The following CCDC171 variants were observed in gnomAD, a reference collection of about 807,000 sequenced individuals.
The protein encoded by CCDC171 is coiled-coil domain-containing protein 171.
Under a neutral mutation model 168.2 loss-of-function variants are expected in CCDC171, and 177 were observed. The observed-to-expected ratio is 1.05, with a 90% confidence interval of 0.93 to 1.19. The LOEUF is 1.19. CCDC171 is among the 50% of genes most tolerant of loss of function. The pLI is 0.00. For missense variants in CCDC171, 1,991 were observed against 1,539.0 expected (o/e 1.29, Z -4.91); for synonymous variants, 687 against 540.8 (o/e 1.27, Z -3.75).
intron 21 of CCDC171, among the ~76,000 whole-genome samples, chr9:15,795,773 C>G (rs1471365065): frequency 2.6e-5 from 4 of 152,190 alleles, no homozygotes; most frequent in African/African-American, 9.7e-5. Flanking sequence ...GACATCTACT[C>G]AGGACTGTGG....
the CCDC171 span, among the ~76,000 whole-genome samples, chr9:16,094,759 A>G: frequency 2.6e-5 from 4 of 152,250 alleles, no homozygotes. Flanking sequence ...TGAAATAATC[A>G]GAAAGTGTTA....
chr9:15,802,084 T>G (rs1358583029), intron 21 of CCDC171, among the ~76,000 whole-genome samples: 3 of 151,932 alleles, frequency 2.0e-5, no homozygotes, highest in African/African-American at 7.2e-5. Context: ...GTTTTCTTTT[T>G]TTGATTTGTC....
chr9:15,868,114 G>C (rs1216759186), intron 23 of CCDC171, among the ~76,000 whole-genome samples: 2 of 152,020 alleles, frequency 1.3e-5, no homozygotes, highest in African/African-American at 4.8e-5. Context: ...AATGTGTGGT[G>C]TGGTTGTGGT....
chr9:15,725,284 A>G (rs10756696), intron 14 of CCDC171, among the ~76,000 whole-genome samples: 55,186 of 151,970 alleles, frequency 0.36, 12,503 homozygotes, highest in East Asian at 0.66. Flanking sequence ...CTGTTTGCCA[A>G]TGACAAAATT....
intron 7 of CCDC171, among the ~76,000 whole-genome samples, chr9:15,625,720 C>T (rs1211146839): frequency 1.3e-5 from 2 of 152,120 alleles, no homozygotes; most frequent in African/African-American, 4.8e-5. Flanking sequence ...GTTACTGTAG[C>T]CTTGTATTAT....
intron 7 of CCDC171, among the ~76,000 whole-genome samples, chr9:15,640,431 G>T (rs1383013114): frequency 5.9e-5 from 9 of 151,980 alleles, no homozygotes; most frequent in African/African-American, 1.9e-4. Flanking sequence ...GCCTTATTAA[G>T]ATTTAAAATA....
At chr9:15,592,823 G>C (rs2042090132) in intron 5 of CCDC171, among the ~76,000 whole-genome samples, 1 of 151,564 alleles carries the variant, frequency 6.6e-6, no homozygotes, top group South Asian at 2.1e-4. Flanking sequence ...TAGCTACTTA[G>C]GAGAATTGTG....
chr9:15,640,555 G>C (rs552151908), intron 7 of CCDC171, among the ~76,000 whole-genome samples: 1 of 152,148 alleles, frequency 6.6e-6, no homozygotes, highest in South Asian at 2.1e-4. Flanking sequence ...TTAACTCTAG[G>C]CATAATCTCC....
intron 23 of CCDC171, among the ~76,000 whole-genome samples, chr9:15,863,057 C>A (rs571172529): frequency 6.7e-6 from 1 of 148,334 alleles, no homozygotes; most frequent in East Asian, 1.9e-4. Context: ...TCTCAAACCA[C>A]CACCCTTTTT....
chr9:15,922,532 G>C lies in CCDC171; in HGVS notation c.3753+2110G>C, dbSNP rs181389854. ...TCTGACTAGCACAATTTAAAAAATA[G>C]AGGAGTGCGCATATCTCTTTGACCT... On this transcript the variant is annotated intron_variant, in intron 25 of 25. Coordinates refer to ENST00000380701, the MANE Select transcript of CCDC171 (RefSeq NM_173550.4). 5.3e-5 allele frequency among the ~76,000 whole-genome samples: 8 copies of C among 151,556 alleles called. No homozygotes were observed. In the East Asian group the frequency reaches 9.7e-4, roughly 18 times the overall value.
chr9:16,083,633 G>C, the CCDC171 span, among the ~76,000 whole-genome samples: 1 of 152,110 alleles, frequency 6.6e-6, no homozygotes, highest in Non-Finnish European at 1.5e-5. Context: ...GATGGTTCTA[G>C]AAAGACCTAG....
intron 25 of CCDC171, among the ~76,000 whole-genome samples, chr9:15,966,895 G>GTA (rs34017341): frequency 0.011 from 1,706 of 149,276 alleles, 25 homozygotes; most frequent in African/African-American, 0.035. Flanking sequence ...GTGTGTGTGT[G>GTA]TATATATATA....
At chr9:15,700,967 T>C (rs1180613607) in intron 11 of CCDC171, among the ~76,000 whole-genome samples, 2 of 152,246 alleles carry the variant, frequency 1.3e-5, no homozygotes, top group African/African-American at 4.8e-5. Flanking sequence ...ATTGTGCTTT[T>C]GATTTGCGTT....
intron 10 of CCDC171, among the ~76,000 whole-genome samples, chr9:15,684,832 A>G (rs2133543804): frequency 6.6e-6 from 1 of 152,306 alleles, no homozygotes; most frequent in East Asian, 1.9e-4. Flanking sequence ...AAGATTTGTC[A>G]ATCACAACAT....
At chr9:15,827,168 AT>A (rs1277728671) in intron 21 of CCDC171, among the ~76,000 whole-genome samples, 5 of 152,006 alleles carry the variant, frequency 3.3e-5, no homozygotes, top group South Asian at 2.1e-4. Flanking sequence ...AGATCTTTCA[AT>A]TTTTATTTGT....
chr9:15,627,059 C>T (rs1436834360), intron 7 of CCDC171, among the ~76,000 whole-genome samples: 2 of 152,064 alleles, frequency 1.3e-5, no homozygotes, highest in African/African-American at 2.4e-5. Context: ...GTGTATGTGT[C>T]GAGGAATTTA....
intron 1 of CCDC171, among the ~76,000 whole-genome samples, chr9:15,555,673 GTATC>G: frequency 6.6e-6 from 1 of 152,058 alleles, no homozygotes; most frequent in East Asian, 1.9e-4. Flanking sequence ...AAGTGACTGA[GTATC>G]TATTTTTATT....
At chr9:16,002,366 A>T (rs970257849) in intron 3 of CCDC171, among the ~76,000 whole-genome samples, 1 of 151,872 alleles carries the variant, frequency 6.6e-6, no homozygotes, top group Admixed American at 6.6e-5. Flanking sequence ...GCCTAGACTA[A>T]TGTGTGTGTT....
chr9:16,099,941 C>A, the CCDC171 span, among the ~76,000 whole-genome samples: 2 of 151,688 alleles, frequency 1.3e-5, no homozygotes, highest in Non-Finnish European at 2.9e-5. Flanking sequence ...GGAAAAAGGC[C>A]AGTCTATGAC....
Sources: gnomAD v4.1 joint callset for allele counts (sites outside exome capture counted in the v4.1 genomes callset) on GRCh38, gnomAD v4.1.1 for gene constraint, MANE v1.5 for transcripts, NCBI Gene and HGNC (gene_info 2026-07-23, HGNC 2026-07-21) for gene names.